CELF2: variants seen among roughly 807,000 people sequenced by gnomAD.
CELF2 encodes the protein CUGBP Elav-like family member 2, also known as CUG triplet repeat RNA-binding protein 2.
Under a neutral mutation model 62.6 loss-of-function variants are expected in CELF2, and 8 were observed. The ratio of observed to expected loss-of-function variants is 0.13; its 90% CI spans 0.07 to 0.23. The LOEUF is 0.23. CELF2 is among the 10% of genes least tolerant of loss of function. CELF2 has a pLI of 1.00. For synonymous variants in CELF2, 258 were observed against 250.0 expected (o/e 1.03, Z -0.30); for missense variants, 333 against 671.0 (o/e 0.50, Z 5.56).
At chr10:10,978,024 G>GT (rs1310804718) in intron 2 of CELF2, among the ~76,000 whole-genome samples, 73 of 141,854 alleles carry the variant, frequency 5.1e-4, no homozygotes, top group Admixed American at 9.1e-4. Context: ...TTGGGTTTGG[G>GT]TTTTTTTTTG....
intron 1 of CELF2, among the ~76,000 whole-genome samples, chr10:11,043,048 G>A (rs1174994918): frequency 6.6e-6 from 1 of 152,174 alleles, no homozygotes; most frequent in Non-Finnish European, 1.5e-5. Context: ...GAGTGAAGTT[G>A]CTTGGTCATG....
At chr10:10,668,817 G>C in the CELF2 span, among the ~76,000 whole-genome samples, 3 of 152,086 alleles carry the variant, frequency 2.0e-5, no homozygotes, top group Non-Finnish European at 2.9e-5. Context: ...AAATAGCCAG[G>C]CAGGGTGGTG....
chr10:11,305,610 G>A lies in CELF2; in HGVS notation c.977-8529G>A, dbSNP rs1006990353. Among the ~76,000 whole-genome samples the A allele has an allele frequency of 3.3e-5, 5 of 152,300 alleles. No individual in the cohort carries two copies. The highest frequency in any genetic ancestry group is 3.9e-4 in the East Asian group (2 of 5,190). On this transcript the variant is annotated intron_variant, in intron 9 of 12. Transcript: ENST00000633077. This position sits in a 1 kb window ranked among gnomAD's most constrained non-coding sequence, Gnocchi z 4.8. ...CTCAGCTCTGTTGGAGATATTATACGGGAGTTATTCCAGGTGATGATCTAG... is the reference window on the plus strand; with the variant it reads ...CTCAGCTCTGTTGGAGATATTATACAGGAGTTATTCCAGGTGATGATCTAG...
chr10:10,537,905 G>A, the CELF2 span, among the ~76,000 whole-genome samples: 1 of 152,212 alleles, frequency 6.6e-6, no homozygotes. Context: ...TTGGGCAGAA[G>A]ACTTGGGGGG....
At chr10:10,895,423 A>G (rs1004354675) in intron 1 of CELF2, among the ~76,000 whole-genome samples, 6 of 152,186 alleles carry the variant, frequency 3.9e-5, no homozygotes, top group Non-Finnish European at 7.3e-5. Context: ...TGTAGAAAGT[A>G]TGGCCGTTTT....
At chr10:10,956,375 C>T (rs1047082860) in intron 2 of CELF2, among the ~76,000 whole-genome samples, 1 of 152,102 alleles carries the variant, frequency 6.6e-6, no homozygotes, top group African/African-American at 2.4e-5. Flanking sequence ...GTTCCAGGTA[C>T]TTTATTGGCT....
chr10:11,085,227 C>T (rs2046383432), intron 1 of CELF2, among the ~76,000 whole-genome samples: 1 of 152,178 alleles, frequency 6.6e-6, no homozygotes, highest in African/African-American at 2.4e-5. Context: ...AATCATTTTC[C>T]AGTTCTTTAC....
the CELF2 span, among the ~76,000 whole-genome samples, chr10:10,768,782 A>G: frequency 6.6e-6 from 1 of 152,036 alleles, no homozygotes; most frequent in East Asian, 1.9e-4. Flanking sequence ...CCATGTTGGT[A>G]AGGCTGGTGT....
the CELF2 span, among the ~76,000 whole-genome samples, chr10:10,761,334 A>G: frequency 6.6e-6 from 1 of 152,186 alleles, no homozygotes; most frequent in African/African-American, 2.4e-5. Context: ...AAGATTATAC[A>G]ATGAGTTTTT....
Position 11,314,490 on chromosome 10 carries a change from G to T in CELF2, c.1096+232G>T, listed in dbSNP as rs537816764. 78 of 588,574 alleles carry T rather than the reference G, an allele frequency of 1.3e-4. 2 individuals carry two copies. The highest frequency in any genetic ancestry group is 1.2e-3 in the Middle Eastern group (3 of 2,592). 36.5% of individuals were successfully genotyped at this position (588,574 alleles called of 1,614,324 possible). On this transcript the variant is annotated intron_variant, in intron 10 of 12. Transcript: ENST00000633077. The surrounding 1 kb of genome is among the most constrained non-coding windows in gnomAD (Gnocchi z 5.3). ...TTCTCTTCAGTGTGTAGCACAGCGC[G>T]TGTGCTCATCCATGGGGTTCTGTGG...
At chr10:11,102,273 A>G (rs1001735611) in intron 1 of CELF2, 4 of 152,272 alleles carry the variant, frequency 2.6e-5, no homozygotes, top group Non-Finnish European at 4.4e-5. Context: ...AGTGGATTTC[A>G]AGATACTTGC....
chr10:10,766,723 T>A, the CELF2 span, among the ~76,000 whole-genome samples: 1 of 152,226 alleles, frequency 6.6e-6, no homozygotes, highest in East Asian at 1.9e-4. Flanking sequence ...GCCCTGGGGT[T>A]GCCCAAAGCA....
chr10:11,133,463 T>C (rs906753782), intron 1 of CELF2, among the ~76,000 whole-genome samples: 18 of 152,322 alleles, frequency 1.2e-4, no homozygotes, highest in Admixed American at 7.8e-4. Context: ...TTTAGAGGCC[T>C]GTGCAGTGCT....
At chr10:10,991,373 G>A (rs939867572) in intron 2 of CELF2, among the ~76,000 whole-genome samples, 2 of 152,154 alleles carry the variant, frequency 1.3e-5, no homozygotes, top group Non-Finnish European at 2.9e-5. Flanking sequence ...ACACGCTAAG[G>A]GGATGTGACA....
chr10:11,028,742 T>C (rs1593464989), intron 1 of CELF2, among the ~76,000 whole-genome samples: 2 of 134,732 alleles, frequency 1.5e-5, no homozygotes, highest in African/African-American at 5.7e-5. Flanking sequence ...TTTTGGGAGA[T>C]GGAATCTTGC....
chr10:10,623,487 C>T, the CELF2 span, among the ~76,000 whole-genome samples: 1 of 152,110 alleles, frequency 6.6e-6, no homozygotes, highest in African/African-American at 2.4e-5. Flanking sequence ...AGTCTCTTTC[C>T]CTTAGGCAGA....
the CELF2 span, among the ~76,000 whole-genome samples, chr10:10,500,533 C>T: frequency 6.6e-6 from 1 of 152,158 alleles, no homozygotes; most frequent in Non-Finnish European, 1.5e-5. Flanking sequence ...TCTCTCTTGC[C>T]TGCCGCCATG....
chr10:10,798,093 G>C (rs781354772), upstream of CELF2, among the ~76,000 whole-genome samples: 1 of 152,116 alleles, frequency 6.6e-6, no homozygotes, highest in Non-Finnish European at 1.5e-5. Flanking sequence ...AGCAAAGGGT[G>C]GGGGAGCAGT....
At chr10:10,944,101 C>T (rs2047374886) in intron 2 of CELF2, 1 of 152,588 alleles carries the variant, frequency 6.6e-6, no homozygotes, top group African/African-American at 2.4e-5. Context: ...TTGTAAGTCA[C>T]TTTAACTCAC....
Sources: gnomAD v4.1 joint callset for allele counts (sites outside exome capture counted in the v4.1 genomes callset) on GRCh38, gnomAD v4.1.1 for gene constraint, Gnocchi (gnomAD v3.1) non-coding constraint, MANE v1.5 for transcripts, NCBI Gene and HGNC (gene_info 2026-07-23, HGNC 2026-07-21) for gene names.